Variants in TRDN observed in about 807,000 individuals in gnomAD.
TRDN encodes triadin.
TRDN carries 161 observed loss-of-function variants against 149.7 expected under a neutral mutation model. That is an observed-to-expected ratio of 1.08 (90% CI 0.95 to 1.23). The LOEUF (loss-of-function observed/expected upper bound fraction) is 1.23, where lower values mean the gene tolerates loss of function less well. Among genes scored for constraint, TRDN ranks in the 50% most tolerant of loss-of-function variants. The pLI is 0.00. For synonymous variants in TRDN, 294 were observed against 250.5 expected, an observed-to-expected ratio of 1.17 and a Z score of -1.64; for missense variants, 896 against 823.5, an observed-to-expected ratio of 1.09 and a Z score of -1.08.
At position 123,391,699 on chromosome 6, in the gene TRDN, A is replaced by G. The variant is rs908733135; in HGVS notation, c.1105+1925T>C. Among the ~76,000 whole-genome samples the G allele has an allele frequency of 1.1e-4, 17 of 152,164 alleles. No individual in the cohort carries two copies. In the South Asian group the frequency reaches 3.5e-3, roughly 31 times the overall value. ...AATAAATATGAACATATATACATACATATGTATGGAAAGCCAGATTTTTAA... is the reference window on the plus strand; with the variant it reads ...AATAAATATGAACATATATACATACGTATGTATGGAAAGCCAGATTTTTAA... On this transcript the variant is annotated intron_variant, in intron 13 of 40. Coordinates refer to ENST00000334268, the MANE Select transcript of TRDN (RefSeq NM_006073.4).
intron 1 of TRDN, among the ~76,000 whole-genome samples, chr6:123,624,954 A>G (rs1562139348): frequency 1.3e-5 from 2 of 152,128 alleles, no homozygotes. Context: ...CTGACCGAAA[A>G]TTTAGTATTT....
chr6:123,243,958 A>G (rs1315360833), intron 38 of TRDN, among the ~76,000 whole-genome samples: 1 of 152,178 alleles, frequency 6.6e-6, no homozygotes, highest in Admixed American at 6.6e-5. Context: ...GGAGAAAACT[A>G]ACAGGAATTT....
At chr6:123,438,203 G>A (rs952431188) in intron 11 of TRDN, 81 bp from the exon 12 acceptor site, 3 of 968,194 alleles carry the variant, frequency 3.1e-6, no homozygotes, top group East Asian at 2.7e-5. Context: ...TACCAGTGAG[G>A]CATCTAATTT....
chr6:123,247,809 G>T (rs1056494210), intron 38 of TRDN, among the ~76,000 whole-genome samples: 4 of 152,026 alleles, frequency 2.6e-5, no homozygotes, highest in African/African-American at 9.7e-5. Flanking sequence ...TAAGCAAAAG[G>T]AACAAAGCTT....
chr6:123,487,440 C>T (rs1778023928), intron 9 of TRDN, among the ~76,000 whole-genome samples: 2 of 150,758 alleles, frequency 1.3e-5, no homozygotes, highest in South Asian at 4.2e-4. Context: ...CTAAAGTTTA[C>T]CCTTCCTTCC....
chr6:123,219,642 C>A (rs547478144), intron 40 of TRDN, among the ~76,000 whole-genome samples: 2 of 151,904 alleles, frequency 1.3e-5, no homozygotes, highest in Admixed American at 6.6e-5. Flanking sequence ...ATTCTGATTC[C>A]ATTTCCATGG....
chr6:123,256,002 C>T, intron 35 of TRDN, 100 bp from the exon 36 acceptor site: 2 of 581,822 alleles, frequency 3.4e-6, no homozygotes, highest in Non-Finnish European at 5.0e-6. Flanking sequence ...AGGTTTGTTA[C>T]ATAGGTATAC....
chr6:123,445,306 C>G (rs1478238029), intron 10 of TRDN: 1 of 150,380 alleles, frequency 6.6e-6, no homozygotes, highest in Non-Finnish European at 1.5e-5. Context: ...TAGGCATTAC[C>G]ATTCAGGACA....
In TRDN at chr6:123,548,510, T is replaced by A. The variant is rs772376488; in HGVS notation, c.335A>T (p.Asp112Val). Residue 112 changes from aspartate to valine, a missense_variant, in exon 3 of 41, where the codon GAC becomes GTC. Transcript: ENST00000334268. Reference protein sequence around the residue: ...WIYGFFSLLSDIISSEDEEDD... With the variant: ...WIYGFFSLLSVIISSEDEEDD... Reference sequence around the variant, plus strand: ...TTCTTCATCTTCAGATGAGATGATGTCAGATAACAAAGAAAAGAAGCCATA... The same window carrying A: ...TTCTTCATCTTCAGATGAGATGATGACAGATAACAAAGAAAAGAAGCCATA... 25 of 1,579,694 alleles carry A rather than the reference T, an allele frequency of 1.6e-5. No homozygotes were observed. In the Admixed American group the frequency reaches 3.6e-4, roughly 23 times the overall value.
At chr6:123,521,964 G>A (rs1779702423) in intron 5 of TRDN, among the ~76,000 whole-genome samples, 1 of 152,122 alleles carries the variant, frequency 6.6e-6, no homozygotes. Context: ...CCAGTATGGT[G>A]TTTGGCACAA....
At chr6:123,496,476 C>T (rs947787542) in intron 9 of TRDN, among the ~76,000 whole-genome samples, 2 of 152,066 alleles carry the variant, frequency 1.3e-5, no homozygotes, top group African/African-American at 4.8e-5. Context: ...CTTAACAATA[C>T]TGTCTTCTTG....
At chr6:123,615,300 T>C (rs1201812905) in intron 1 of TRDN, among the ~76,000 whole-genome samples, 1 of 152,172 alleles carries the variant, frequency 6.6e-6, no homozygotes, top group East Asian at 1.9e-4. Flanking sequence ...CTACTTGGTA[T>C]ATATCCAAAC....
At position 123,636,943 on chromosome 6, in the gene TRDN, TCTC is replaced by T; in HGVS notation, c.-171_-169del. 1 of 715,716 alleles carries T rather than the reference TCTC, an allele frequency of 1.4e-6. No homozygotes were observed. The highest frequency in any genetic ancestry group is 1.8e-5 in the South Asian group (1 of 56,796). The allele number at this position is 715,716 out of a possible 1,614,324, so 44.3% of individuals were successfully genotyped here. On this transcript the variant is annotated 5_prime_UTR_variant, in exon 1 of 41. Transcript: ENST00000334268. Reference sequence around the variant, plus strand: ...CTTTGTTGTCCTGTTGAACTTTGCCTCTCCTCTGCAGAGTTCTCCCCCTGGAAA... The same window carrying T: ...CTTTGTTGTCCTGTTGAACTTTGCCTCTCTGCAGAGTTCTCCCCCTGGAAA...
intron 10 of TRDN, 107 bp from the exon 11 acceptor site, chr6:123,439,110 T>G (rs1309150914): frequency 7.7e-6 from 6 of 775,618 alleles, no homozygotes; most frequent in Non-Finnish European, 1.0e-5. Context: ...CCAGCTAGCT[T>G]TGTGACTGAG....
intron 23 of TRDN, among the ~76,000 whole-genome samples, chr6:123,329,109 C>T (rs1377635075): frequency 2.0e-5 from 3 of 152,096 alleles, no homozygotes; most frequent in Admixed American, 6.6e-5. Flanking sequence ...AGCCAGAGTC[C>T]TTGTCTCCAC....
At chr6:123,541,197 G>T (rs1201431241) in intron 4 of TRDN, among the ~76,000 whole-genome samples, 1 of 152,100 alleles carries the variant, frequency 6.6e-6, no homozygotes, top group Admixed American at 6.6e-5. Context: ...ACATAAAATG[G>T]TTGGGCCTGA....
chr6:123,385,538 T>G (rs1291359993), intron 14 of TRDN, among the ~76,000 whole-genome samples: 1 of 152,192 alleles, frequency 6.6e-6, no homozygotes, highest in Non-Finnish European at 1.5e-5. Flanking sequence ...CCTATCTCCT[T>G]TGTGGAACCT....
chr6:123,356,520 T>G (rs987461238), intron 20 of TRDN, among the ~76,000 whole-genome samples: 2 of 25,700 alleles, frequency 7.8e-5, no homozygotes, highest in African/African-American at 1.0e-4. Flanking sequence ...TATATATATA[T>G]ATATATATAT....
chr6:123,437,065 T>C (rs1006239556), intron 12 of TRDN, among the ~76,000 whole-genome samples: 1 of 152,164 alleles, frequency 6.6e-6, no homozygotes, highest in Non-Finnish European at 1.5e-5. Context: ...CCAATATTCA[T>C]GTTTGAACAA....
Sources: gnomAD v4.1 joint callset for allele counts (sites outside exome capture counted in the v4.1 genomes callset) on GRCh38, gnomAD v4.1.1 for gene constraint, MANE v1.5 for transcripts, NCBI Gene and HGNC (gene_info 2026-07-23, HGNC 2026-07-21) for gene names.